Variants in ARB2A observed in about 807,000 individuals in gnomAD.
ARB2A encodes cotranscriptional regulator ARB2A.
chr5:93,826,394 G>C, the ARB2A span, among the ~76,000 whole-genome samples: 43 of 152,066 alleles, frequency 2.8e-4, no homozygotes, highest in Non-Finnish European at 5.4e-4. Context: ...CTAGAAGTTA[G>C]TTCTCTCTAT....
the ARB2A span, among the ~76,000 whole-genome samples, chr5:93,677,443 C>A: frequency 1.3e-5 from 2 of 152,306 alleles, no homozygotes; most frequent in Non-Finnish European, 1.5e-5. Flanking sequence ...GCTGAGAAGG[C>A]GTAATCTGAT....
At chr5:93,620,843 A>G in the ARB2A span, 1 of 1,063,200 alleles carries the variant, frequency 9.4e-7, no homozygotes, top group Middle Eastern at 2.1e-4. Flanking sequence ...ATAATGCAAA[A>G]CGCTATTTAG....
At chr5:93,944,111 T>C in the ARB2A span, among the ~76,000 whole-genome samples, 1 of 152,190 alleles carries the variant, frequency 6.6e-6, no homozygotes, top group Non-Finnish European at 1.5e-5. Context: ...AAGGAGGTCA[T>C]CTTTGAGGTT....
the ARB2A span, chr5:93,741,327 G>A: frequency 6.2e-7 from 1 of 1,612,940 alleles, no homozygotes; most frequent in African/African-American, 1.3e-5. Context: ...GACGGGGCCT[G>A]CAGGGTGCTA....
At chr5:93,967,686 T>C in the ARB2A span, among the ~76,000 whole-genome samples, 1 of 152,098 alleles carries the variant, frequency 6.6e-6, no homozygotes, top group Non-Finnish European at 1.5e-5. Context: ...AAAACTCTCC[T>C]GCAGGGGAAG....
At chr5:93,718,208 G>C in the ARB2A span, among the ~76,000 whole-genome samples, 1 of 152,004 alleles carries the variant, frequency 6.6e-6, no homozygotes, top group African/African-American at 2.4e-5. Context: ...TTGGGAGGCC[G>C]AGGTGGGCAG....
the ARB2A span, among the ~76,000 whole-genome samples, chr5:93,879,267 T>A: frequency 6.6e-6 from 1 of 151,972 alleles, no homozygotes; most frequent in African/African-American, 2.4e-5. Flanking sequence ...TATCTAGAAG[T>A]ATGTTTGAAG....
the ARB2A span, chr5:93,742,935 G>C: frequency 1.3e-5 from 2 of 152,096 alleles, no homozygotes; most frequent in African/African-American, 4.8e-5. Flanking sequence ...TTTTGAACTA[G>C]TTATCAATAA....
the ARB2A span, among the ~76,000 whole-genome samples, chr5:94,009,714 A>G: frequency 2.0e-5 from 3 of 152,052 alleles, no homozygotes; most frequent in Non-Finnish European, 4.4e-5. Context: ...TAAAATAAAT[A>G]TATAACGTTA....
At chr5:93,768,386 C>T in the ARB2A span, among the ~76,000 whole-genome samples, 1 of 150,948 alleles carries the variant, frequency 6.6e-6, no homozygotes, top group Non-Finnish European at 1.5e-5. Flanking sequence ...CCAACAACAA[C>T]AAAAAGAAAA....
At chr5:93,951,868 G>C in the ARB2A span, among the ~76,000 whole-genome samples, 1 of 152,120 alleles carries the variant, frequency 6.6e-6, no homozygotes, top group African/African-American at 2.4e-5. Flanking sequence ...AAAAGAAAAA[G>C]ATTTCCTAAA....
At chr5:93,627,443 GTTT>G in the ARB2A span, among the ~76,000 whole-genome samples, 2 of 130,520 alleles carry the variant, frequency 1.5e-5, no homozygotes, top group Admixed American at 7.8e-5. Context: ...AATGTGTTTT[GTTT>G]TTTTTTTTTT....
the ARB2A span, among the ~76,000 whole-genome samples, chr5:94,080,301 T>C: frequency 1.3e-5 from 2 of 152,110 alleles, no homozygotes; most frequent in Admixed American, 1.3e-4. Context: ...TAAACAATAT[T>C]ATAAATGTAC....
At chr5:94,054,211 A>C in the ARB2A span, among the ~76,000 whole-genome samples, 2 of 152,228 alleles carry the variant, frequency 1.3e-5, no homozygotes, top group Non-Finnish European at 1.5e-5. Context: ...ATATTGGTAC[A>C]TTACTACAAA....
chr5:93,795,248 CA>C, the ARB2A span, among the ~76,000 whole-genome samples: 1 of 152,278 alleles, frequency 6.6e-6, no homozygotes, highest in East Asian at 1.9e-4. Flanking sequence ...CTGGCAGTCA[CA>C]GGCCTCACCC....
the ARB2A span, among the ~76,000 whole-genome samples, chr5:93,797,039 T>C: frequency 6.6e-6 from 1 of 152,286 alleles, no homozygotes; most frequent in Admixed American, 6.5e-5. Context: ...TCTGAGTTGA[T>C]ATACTAGTGA....
chr5:94,006,948 T>C, the ARB2A span, among the ~76,000 whole-genome samples: 30 of 152,334 alleles, frequency 2.0e-4, no homozygotes, highest in African/African-American at 7.0e-4. Context: ...TGAGTGCTAG[T>C]ATAGCATTAA....
At chr5:93,634,594 T>C in the ARB2A span, among the ~76,000 whole-genome samples, 2 of 152,174 alleles carry the variant, frequency 1.3e-5, no homozygotes, top group African/African-American at 4.8e-5. Flanking sequence ...TAAAATGTTG[T>C]GCTTATTAGT....
chr5:94,048,348 T>C, the ARB2A span, among the ~76,000 whole-genome samples: 1 of 152,154 alleles, frequency 6.6e-6, no homozygotes, highest in Non-Finnish European at 1.5e-5. Context: ...CCACCATGCC[T>C]GGCCAGGTAA....
Sources: gnomAD v4.1 joint callset for allele counts (sites outside exome capture counted in the v4.1 genomes callset) on GRCh38, gnomAD v4.1.1 for gene constraint, MANE v1.5 for transcripts, NCBI Gene and HGNC (gene_info 2026-07-23, HGNC 2026-07-21) for gene names.